TRIP13: variants seen among roughly 807,000 people sequenced by gnomAD.
TRIP13 encodes the protein pachytene checkpoint protein 2 homolog.
A neutral mutation model predicts 54.4 loss-of-function variants in TRIP13; 25 were observed. The observed-to-expected ratio is 0.46, with a 90% CI of 0.33 to 0.64. The LOEUF (loss-of-function observed/expected upper bound fraction) is 0.64, where lower values mean the gene tolerates loss of function less well. TRIP13 is among the 30% of genes least tolerant of loss of function. The pLI is 0.02. For missense variants in TRIP13, 373 were observed against 534.2 expected (o/e 0.70, Z 2.97); for synonymous variants, 207 against 207.8 (o/e 1.00, Z 0.03).
At chr5:902,713 C>A (rs972480763) in intron 5 of TRIP13, among the ~76,000 whole-genome samples, 1 of 152,144 alleles carries the variant, frequency 6.6e-6, no homozygotes, top group Non-Finnish European at 1.5e-5. Context: ...ACCACCAAGA[C>A]GCGGAGACCG....
chr5:903,593 C>T (rs998493674), intron 5 of TRIP13, among the ~76,000 whole-genome samples: 4 of 152,064 alleles, frequency 2.6e-5, no homozygotes, highest in African/African-American at 4.8e-5. Flanking sequence ...TGCTAGGGGA[C>T]GCTTGGCAGG....
chr5:913,018 G>A lies in TRIP13; in HGVS notation c.1020+1022G>A, dbSNP rs1323405912. On this transcript the variant is annotated intron_variant, in intron 10 of 12. Transcript: ENST00000166345. This position sits in a 1 kb window ranked among gnomAD's most constrained non-coding sequence, Gnocchi z 4.5. ...GGACGGGAGAACTGGTCTCAGCCAT[G>A]GACCCACTGGGCCTGCCCGGGTCAG... Among the ~76,000 whole-genome samples the A allele has an allele frequency of 6.6e-6, 1 of 152,164 alleles. No individual in the cohort carries two copies. The highest frequency in any genetic ancestry group is 1.5e-5 in the Non-Finnish European group (1 of 68,026).
chr5:893,106 C>T lies in TRIP13; in HGVS notation c.92+16C>T, dbSNP rs184436527. 9.6e-3 allele frequency: 15,120 copies of T among 1,575,356 alleles called. 110 individuals carry two copies. Among genetic ancestry groups the T allele is most frequent in the South Asian group, 0.013 (1,139 of 86,664 alleles). ...GCGGCAGCAGGTGAGCCGGACCTGT[C>T]CGACACATCCTCTGGGCACCCACCC... On this transcript the variant is annotated intron_variant, in intron 1 of 12. Transcript: ENST00000166345.
Position 908,857 on chromosome 5 carries a change from C to T in TRIP13, c.866+396C>T. 1 of 218,766 alleles carries T rather than the reference C, an allele frequency of 4.6e-6. No homozygotes were observed. The highest frequency in any genetic ancestry group is 8.9e-6 in the Non-Finnish European group (1 of 111,920). The allele number at this position is 218,766 out of a possible 1,614,324, so 13.6% of individuals were successfully genotyped here. On this transcript the variant is annotated intron_variant, in intron 9 of 12. Coordinates refer to ENST00000166345, the MANE Select transcript of TRIP13 (RefSeq NM_004237.4). The surrounding 1 kb of genome is among the most constrained non-coding windows in gnomAD (Gnocchi z 5.2). Reference sequence around the variant, plus strand: ...CCTGTAGTCCCAGCTACTCTGGAGGCTGAGGCAGGAGAATGGTGTGAACCC... The same window carrying T: ...CCTGTAGTCCCAGCTACTCTGGAGGTTGAGGCAGGAGAATGGTGTGAACCC...
At position 893,044 on chromosome 5, in the gene TRIP13, G is replaced by T. The variant is rs1448707426; in HGVS notation, c.46G>T (p.Ala16Ser). 2.5e-6 allele frequency: 4 copies of T among 1,597,420 alleles called. No individual in the cohort carries two copies. The highest frequency in any genetic ancestry group is 3.4e-6 in the Non-Finnish European group (4 of 1,175,988). The stretch of plus-strand genomic sequence containing the variant: ...CCTGAAGCAGGCGCTTCCCTGTGTG[G>T]CCGAGTCGCCAACGGTCCACGTGGA... ...GDLKQALPCVAESPTVHVEVH... is the reference protein window; with the variant it reads ...GDLKQALPCVSESPTVHVEVH... Residue 16 changes from alanine to serine, a missense_variant, in exon 1 of 13, where the codon GCC (alanine) becomes TCC (serine). This residue lies in a region of TRIP13 where 151 missense variants were observed against 151.9 expected (regional missense o/e 0.99). Coordinates refer to ENST00000166345, the MANE Select transcript of TRIP13 (RefSeq NM_004237.4).
chr5:894,262 T>C (rs1267659156), intron 1 of TRIP13, among the ~76,000 whole-genome samples: 1 of 152,024 alleles, frequency 6.6e-6, no homozygotes, highest in Non-Finnish European at 1.5e-5. Context: ...AGAGGTGTGA[T>C]CCGGGACCAG....
Position 908,249 on chromosome 5 carries a change from CA to C in TRIP13, c.760-105del. On this transcript the variant is annotated intron_variant, in intron 8 of 12. Coordinates refer to ENST00000166345, the MANE Select transcript of TRIP13 (RefSeq NM_004237.4). The surrounding 1 kb of genome is among the most constrained non-coding windows in gnomAD (Gnocchi z 5.2). ...AGCATCCGCAGGCTAGGCACGGGAA[CA>C]CCCATTCATTCATCTTTTTCACGTG... The C allele has an allele frequency of 7.0e-7, 1 of 1,430,692 alleles. No individual in the cohort carries two copies. The allele number at this position is 1,430,692 out of a possible 1,614,324, so 88.6% of individuals were successfully genotyped here.
intron 1 of TRIP13, 138 bp from the exon 2 acceptor site, chr5:894,649 C>T: frequency 1.0e-6 from 1 of 987,666 alleles, no homozygotes. Flanking sequence ...TAGATTTGGT[C>T]CCAGGCAGGC....
At chr5:901,291 C>CCTTTGCCTTGTTGGTAT in intron 4 of TRIP13, 50 bp from the exon 5 acceptor site, 1 of 1,573,046 alleles carries the variant, frequency 6.4e-7, no homozygotes, top group East Asian at 2.2e-5. Context: ...TTCTTGGGGA[C>CCTTTGCCTTGTTGGTAT]CTTTGCCTTG....
Position 913,690 on chromosome 5 carries a change from G to A in TRIP13, c.1021-775G>A. Among the ~76,000 whole-genome samples, 1 of 152,100 alleles carries A rather than the reference G, an allele frequency of 6.6e-6. No individual in the cohort carries two copies. Among genetic ancestry groups the A allele is most frequent in the East Asian group, 1.9e-4 (1 of 5,190 alleles). The stretch of plus-strand genomic sequence containing the variant: ...GTTTCTTATTTTAGGCAGTTTATAT[G>A]AAATTAAGACATGCAGATGTCACAG... On this transcript the variant is annotated intron_variant, in intron 10 of 12. Coordinates refer to ENST00000166345, the MANE Select transcript of TRIP13 (RefSeq NM_004237.4). This position sits in a 1 kb window ranked among gnomAD's most constrained non-coding sequence, Gnocchi z 4.5.
At chr5:901,500 C>T in intron 5 of TRIP13, 69 bp downstream of exon 5, 1 of 1,487,514 alleles carries the variant, frequency 6.7e-7, no homozygotes, top group Non-Finnish European at 9.3e-7. Context: ...GTACCTTCGT[C>T]CTTCTGCAAG....
At chr5:893,167 C>T in intron 1 of TRIP13, 77 bp downstream of exon 1, 2 of 1,370,278 alleles carry the variant, frequency 1.5e-6, no homozygotes, top group East Asian at 2.7e-5. Flanking sequence ...GCCCCGACCC[C>T]AGCGCACTGA....
intron 9 of TRIP13, among the ~76,000 whole-genome samples, chr5:909,506 G>A (rs73020946): frequency 0.018 from 2,760 of 152,180 alleles, 82 homozygotes; most frequent in African/African-American, 0.063. Flanking sequence ...CCTGAGAAGC[G>A]CTCGTTTTGG....
Position 911,806 on chromosome 5 carries a change from C to T in TRIP13, c.867-37C>T, listed in dbSNP as rs767242301. The T allele has an allele frequency of 1.1e-5, 17 of 1,589,654 alleles. No individual in the cohort carries two copies. The highest frequency in any genetic ancestry group is 2.7e-5 in the African/African-American group (2 of 73,854). On this transcript the variant is annotated intron_variant, in intron 9 of 12. Coordinates refer to ENST00000166345, the MANE Select transcript of TRIP13 (RefSeq NM_004237.4). This position sits in a 1 kb window ranked among gnomAD's most constrained non-coding sequence, Gnocchi z 4.7. Reference sequence around the variant, plus strand: ...AGGATAGAATTGGGTCACCGACAGCCGTGATGACTGTGGTGCTTGCTTCTC... The same window carrying T: ...AGGATAGAATTGGGTCACCGACAGCTGTGATGACTGTGGTGCTTGCTTCTC...
intron 9 of TRIP13, among the ~76,000 whole-genome samples, chr5:909,670 A>G (rs1754189336): frequency 6.6e-6 from 1 of 152,258 alleles, no homozygotes; most frequent in Non-Finnish European, 1.5e-5. Flanking sequence ...AGCCCCGAAC[A>G]GAGGTTTACC....
Position 904,132 on chromosome 5 carries a change from T to C in TRIP13, c.536-16T>C. ...GCACTGACTTAAAAATATATTTGCTTGGATCTTTGTCACAGGTCCTCCTGG... is the reference window on the plus strand; with the variant it reads ...GCACTGACTTAAAAATATATTTGCTCGGATCTTTGTCACAGGTCCTCCTGG... On this transcript the variant is annotated splice_polypyrimidine_tract_variant and intron_variant, in intron 5 of 12. Transcript: ENST00000166345. 1.3e-6 allele frequency: 2 copies of C among 1,597,260 alleles called. No individual in the cohort carries two copies. Among genetic ancestry groups the C allele is most frequent in the Non-Finnish European group, 8.5e-7 (1 of 1,175,524 alleles).
At chr5:914,364 G>A (rs1277295028) in intron 10 of TRIP13, 101 bp from the exon 11 acceptor site, 1 of 757,812 alleles carries the variant, frequency 1.3e-6, no homozygotes, top group South Asian at 1.6e-5. Flanking sequence ...GAGACGTGGC[G>A]TGGTTGACAT....
Position 917,100 on chromosome 5 carries a change from C to T in TRIP13, c.1296C>T (p.Ile432=), listed in dbSNP as rs753786521. The change falls in exon 13 of 13, where the codon ATC becomes ATT. Residue 432 remains isoleucine (I), a synonymous_variant. Coordinates refer to ENST00000166345, the MANE Select transcript of TRIP13 (RefSeq NM_004237.4). The part of the protein sequence containing the change: ...FEERKKLAAY[I] ...AGAGAAAGAAGCTTGCAGCTTACAT[C>T]TGATCCTGGGCTTCCCCATCTGGTG... is the stretch of plus-strand genomic sequence containing the variant. 8.7e-6 allele frequency: 14 copies of T among 1,613,832 alleles called. No homozygotes were observed. The South Asian group carries it at 1.1e-4, about 13-fold the overall frequency.
chr5:902,903 C>T (rs960470079), intron 5 of TRIP13, among the ~76,000 whole-genome samples: 11 of 151,542 alleles, frequency 7.3e-5, no homozygotes, highest in South Asian at 2.1e-4. Context: ...AACAGAGAGA[C>T]GGCTTACACC....
Sources: allele counts gnomAD v4.1 joint callset (sites outside exome capture counted in the v4.1 genomes callset), GRCh38; gene constraint gnomAD v4.1.1; regional missense constraint gnomAD v4.1.1; non-coding constraint Gnocchi (gnomAD v3.1); transcripts MANE v1.5; gene names NCBI Gene and HGNC (gene_info 2026-07-23, HGNC 2026-07-21).